HIVEP3: variants seen among roughly 807,000 people sequenced by gnomAD.
HIVEP3 encodes the protein HIVEP zinc finger 3, also known as transcription factor HIVEP3.
In HIVEP3, 49 loss-of-function variants were observed where a neutral mutation model predicts 152.8. That is an observed-to-expected ratio of 0.32 (90% CI 0.26 to 0.41). HIVEP3 has a LOEUF of 0.41. Among genes scored for constraint, HIVEP3 ranks in the 10% least tolerant of loss-of-function variants. The probability of loss-of-function intolerance (pLI) is 1.00; values close to 1 mark genes in which losing one functional copy is unlikely to be tolerated. For missense variants in HIVEP3, 2,790 were observed against 3,103.3 expected (o/e 0.90, Z 2.40); for synonymous variants, 1,269 against 1,289.0 (o/e 0.98, Z 0.33).
At chr1:41,982,722 G>A (rs181833210) in intron 1 of HIVEP3, among the ~76,000 whole-genome samples, 1 of 152,268 alleles carries the variant, frequency 6.6e-6, no homozygotes, top group African/African-American at 2.4e-5. Flanking sequence ...TGATAGAATA[G>A]GAGGTGTATT....
At chr1:41,779,481 A>C (rs561122201) in intron 1 of HIVEP3, among the ~76,000 whole-genome samples, 1 of 152,316 alleles carries the variant, frequency 6.6e-6, no homozygotes, top group South Asian at 2.1e-4. Flanking sequence ...AAGGTGACAG[A>C]AGCCCCTTCT....
intron 1 of HIVEP3, among the ~76,000 whole-genome samples, chr1:42,021,374 A>G (rs1419732979): frequency 6.6e-6 from 1 of 151,978 alleles, no homozygotes; most frequent in Non-Finnish European, 1.5e-5. Context: ...GAAAGAAAAG[A>G]CTCAAGGGTA....
intron 1 of HIVEP3, among the ~76,000 whole-genome samples, chr1:41,951,924 G>A (rs1292270275): frequency 6.6e-6 from 1 of 152,142 alleles, no homozygotes; most frequent in African/African-American, 2.4e-5. Context: ...CCATATCAGT[G>A]TGCATACAAT....
intron 5 of HIVEP3, among the ~76,000 whole-genome samples, chr1:41,544,747 CTACCACCACCAT>C (rs1643641902): frequency 7.1e-6 from 1 of 141,686 alleles, no homozygotes; most frequent in Non-Finnish European, 1.5e-5. Context: ...ATCACCACCA[CTACCACCACCAT>C]CACCACCACT....
intron 5 of HIVEP3, among the ~76,000 whole-genome samples, chr1:41,567,905 C>T (rs114471985): frequency 1.3e-5 from 2 of 152,358 alleles, no homozygotes; most frequent in African/African-American, 2.4e-5. Flanking sequence ...GGCCTGGTTT[C>T]GCCTTCGTTG....
At chr1:41,577,818 TGCAA>T (rs1218331269) in intron 4 of HIVEP3, among the ~76,000 whole-genome samples, 2 of 152,124 alleles carry the variant, frequency 1.3e-5, no homozygotes, top group African/African-American at 4.8e-5. Flanking sequence ...GCTGGAAGTA[TGCAA>T]GCAGAGACCA....
rs1351144049 is a variant in HIVEP3 at position 41,582,177 on chromosome 1, G to A, written c.2621C>T (p.Pro874Leu). The A allele has an allele frequency of 6.2e-7, 1 of 1,614,004 alleles. No individual in the cohort carries two copies. Among genetic ancestry groups the A allele is most frequent in the African/African-American group, 1.3e-5 (1 of 74,988 alleles). Residue 874 changes from proline to leucine, a missense_variant, in exon 4 of 9, where the codon CCC (proline) becomes CTC (leucine). This residue lies in a region of HIVEP3 where 1,078 missense variants were observed against 1,165.3 expected (regional missense o/e 0.93). Transcript: ENST00000372583. This position sits in a 1 kb window ranked among gnomAD's most constrained non-coding sequence, Gnocchi z 4.7. ...PDRPDTEPEP[P>L]PKEPEKTEEF... ...CTCAGTCTTCTCAGGTTCCTTAGGG[G>A]GCGGCTCTGGCTCTGTGTCCGGCCG... is the stretch of plus-strand genomic sequence containing the variant.
At chr1:41,999,244 G>A (rs936983733) in intron 1 of HIVEP3, among the ~76,000 whole-genome samples, 7 of 151,978 alleles carry the variant, frequency 4.6e-5, no homozygotes, top group African/African-American at 1.5e-4. Flanking sequence ...TACAGAAAGT[G>A]TAGAAAATAT....
intron 5 of HIVEP3, chr1:41,542,093 T>C (rs1322366093): frequency 6.6e-6 from 1 of 152,252 alleles, no homozygotes; most frequent in Non-Finnish European, 1.5e-5. Flanking sequence ...GATTCATTCT[T>C]CAATAGTGGA....
intron 7 of HIVEP3, among the ~76,000 whole-genome samples, chr1:41,516,287 G>A (rs1156780862): frequency 1.4e-5 from 2 of 143,266 alleles, no homozygotes; most frequent in African/African-American, 5.1e-5. Context: ...CTAGCGCCCA[G>A]CCTGGCCAGC....
At chr1:41,639,467 G>A (rs1257552189) in intron 2 of HIVEP3, among the ~76,000 whole-genome samples, 2 of 152,214 alleles carry the variant, frequency 1.3e-5, no homozygotes, top group African/African-American at 2.4e-5. Context: ...GGTTTGCCAC[G>A]TGGATCAGAT....
intron 1 of HIVEP3, among the ~76,000 whole-genome samples, chr1:41,854,408 AC>A (rs759186045): frequency 2.1e-5 from 3 of 144,352 alleles, no homozygotes; most frequent in South Asian, 2.2e-4. Context: ...GAAGAGCCTC[AC>A]CCCCACCCCA....
At chr1:41,996,638 CAGG>C (rs1645397576) in intron 1 of HIVEP3, among the ~76,000 whole-genome samples, 2 of 152,116 alleles carry the variant, frequency 1.3e-5, no homozygotes, top group Non-Finnish European at 2.9e-5. Flanking sequence ...ATGAACATTC[CAGG>C]AGAACCAGGC....
intron 1 of HIVEP3, among the ~76,000 whole-genome samples, chr1:41,911,299 C>T: frequency 6.6e-6 from 1 of 152,204 alleles, no homozygotes; most frequent in Middle Eastern, 3.4e-3. Context: ...AAATTGAAAG[C>T]AGATTAGATA....
At chr1:41,516,181 G>GGCGGCCCTTTCCCAGGGCCCTTGCAGGA (rs1642599767) in intron 7 of HIVEP3, among the ~76,000 whole-genome samples, 1 of 151,538 alleles carries the variant, frequency 6.6e-6, no homozygotes, top group African/African-American at 2.4e-5. Flanking sequence ...CCCCTGGCTG[G>GGCGGCCCTTTCCCAGGGCCCTTGCAGGA]GCGGCCCCGC....
intron 5 of HIVEP3, among the ~76,000 whole-genome samples, chr1:41,532,686 A>G (rs12135580): frequency 0.19 from 29,553 of 152,062 alleles, 3,418 homozygotes; most frequent in Non-Finnish European, 0.28. Flanking sequence ...ACCAAGATCC[A>G]GAAGTTTCAA....
At chr1:41,788,547 C>T (rs1358547375) in intron 1 of HIVEP3, among the ~76,000 whole-genome samples, 1 of 152,250 alleles carries the variant, frequency 6.6e-6, no homozygotes, top group Non-Finnish European at 1.5e-5. Context: ...GGAGTCTGCT[C>T]TCTGATGCAC....
intron 1 of HIVEP3, among the ~76,000 whole-genome samples, chr1:41,810,732 T>C (rs1196107577): frequency 6.6e-6 from 1 of 152,246 alleles, no homozygotes; most frequent in African/African-American, 2.4e-5. Flanking sequence ...TGAGTTTATA[T>C]ATGGTTACAG....
At chr1:42,029,023 T>C (rs1242581836) in intron 1 of HIVEP3, among the ~76,000 whole-genome samples, 2 of 152,198 alleles carry the variant, frequency 1.3e-5, no homozygotes, top group African/African-American at 2.4e-5. Flanking sequence ...AAATGACAAC[T>C]AATCTAATTT....
Sources: allele counts gnomAD v4.1 joint callset (sites outside exome capture counted in the v4.1 genomes callset), GRCh38; gene constraint gnomAD v4.1.1; regional missense constraint gnomAD v4.1.1; non-coding constraint Gnocchi (gnomAD v3.1); transcripts MANE v1.5; gene names NCBI Gene and HGNC (gene_info 2026-07-23, HGNC 2026-07-21).